The following MEF2C variants were observed in gnomAD, a reference collection of about 807,000 sequenced individuals.
MEF2C encodes myocyte-specific enhancer factor 2C.
A neutral mutation model predicts 50.5 loss-of-function variants in MEF2C; 6 were observed. The observed-to-expected ratio is 0.12, with a 90% CI of 0.07 to 0.23. The LOEUF (loss-of-function observed/expected upper bound fraction) is 0.23, where lower values mean the gene tolerates loss of function less well. Among genes scored for constraint, MEF2C ranks in the 10% least tolerant of loss-of-function variants. MEF2C has a pLI of 1.00. For synonymous variants in MEF2C, 183 were observed against 228.0 expected, an observed-to-expected ratio of 0.80 and a Z score of 1.78; for missense variants, 276 against 605.0, an observed-to-expected ratio of 0.46 and a Z score of 5.70.
intron 4 of MEF2C, among the ~76,000 whole-genome samples, chr5:88,755,183 G>T (rs1774731414): frequency 6.6e-6 from 1 of 152,106 alleles, no homozygotes; most frequent in Non-Finnish European, 1.5e-5. Context: ...TTTCTTCAAA[G>T]GAGAATTTTT....
At chr5:88,888,954 C>T (rs971730223) in intron 1 of MEF2C, 4 of 152,098 alleles carry the variant, frequency 2.6e-5, no homozygotes, top group Admixed American at 2.0e-4. Context: ...TCACAGAAAC[C>T]TTCAATTCAA....
At chr5:88,842,090 G>C (rs1475713942) in intron 1 of MEF2C, among the ~76,000 whole-genome samples, 2 of 152,052 alleles carry the variant, frequency 1.3e-5, no homozygotes, top group Non-Finnish European at 2.9e-5. Context: ...TTTAAGGCTT[G>C]TGATTTCTGA....
Position 88,751,840 on chromosome 5 carries a change from T to C in MEF2C, c.589+17A>G, listed in dbSNP as rs574993379. ...CTTCCAACTATTTGTTAGCATTACA[T>C]CCTTATGAGGACATACCTGTGTTAC... On this transcript the variant is annotated intron_variant, in intron 5 of 10. Transcript: ENST00000504921. 6.2e-7 allele frequency: 1 copy of C among 1,611,914 alleles called. No homozygotes were observed. Among genetic ancestry groups the C allele is most frequent in the East Asian group, 2.2e-5 (1 of 44,844 alleles).
At chr5:88,739,898 C>A in intron 6 of MEF2C, 1 of 985,202 alleles carries the variant, frequency 1.0e-6, no homozygotes, top group Non-Finnish European at 1.2e-6. Flanking sequence ...CTAAAGACTC[C>A]TAATTAGGGA....
At position 88,819,417 on chromosome 5, in the gene MEF2C, A is replaced by AG; in HGVS notation, c.54+4317_54+4318insC. ...GCTTTGCGATATCTGGGTCCTGTCT[A>AG]ACATCCAATCTTTTCTCTCATTTCT... On this transcript the variant is annotated intron_variant, in intron 2 of 10. Coordinates refer to ENST00000504921, the MANE Select transcript of MEF2C (RefSeq NM_002397.5). 4 of 980,870 alleles carry AG rather than the reference A, an allele frequency of 4.1e-6. No individual in the cohort carries two copies. In the South Asian group the frequency reaches 1.9e-4, roughly 46 times the overall value. 60.8% of individuals were successfully genotyped at this position (980,870 alleles called of 1,614,324 possible).
intron 1 of MEF2C, among the ~76,000 whole-genome samples, chr5:88,847,991 A>G (rs991973585): frequency 6.6e-6 from 1 of 152,204 alleles, no homozygotes; most frequent in Non-Finnish European, 1.5e-5. Context: ...TATAAAGTAC[A>G]TAACTAAAAA....
chr5:88,769,944 C>G (rs1194769211), intron 3 of MEF2C: 1 of 984,138 alleles, frequency 1.0e-6, no homozygotes, highest in Non-Finnish European at 1.2e-6. Context: ...CTGTGTCCAG[C>G]CTATCCTAAT....
intron 1 of MEF2C, among the ~76,000 whole-genome samples, chr5:88,849,846 T>G (rs1380149530): frequency 1.3e-5 from 2 of 152,188 alleles, no homozygotes; most frequent in East Asian, 3.8e-4. Context: ...TGTAGGATAA[T>G]GTAGGATTAT....
At chr5:88,747,359 T>TGG (rs1770341244) in intron 6 of MEF2C, among the ~76,000 whole-genome samples, 2 of 37,234 alleles carry the variant, frequency 5.4e-5, no homozygotes, top group Admixed American at 2.5e-4. Flanking sequence ...TTTTTTTTTT[T>TGG]TTTTTTTGAG....
chr5:88,730,170 C>A (rs926442699), intron 8 of MEF2C, 41 bp downstream of exon 8: 1 of 1,565,438 alleles, frequency 6.4e-7, no homozygotes, highest in Non-Finnish European at 8.7e-7. Flanking sequence ...CTAAAAGTAG[C>A]TTTGCACATG....
chr5:88,867,657 TAA>T (rs1222669363), intron 1 of MEF2C, among the ~76,000 whole-genome samples: 1 of 152,166 alleles, frequency 6.6e-6, no homozygotes, highest in African/African-American at 2.4e-5. Context: ...ACACATATCA[TAA>T]AAGTTATTAA....
At chr5:88,899,505 T>C (rs1223984806) in intron 1 of MEF2C, among the ~76,000 whole-genome samples, 1 of 152,200 alleles carries the variant, frequency 6.6e-6, no homozygotes, top group East Asian at 1.9e-4. Context: ...TTAAGTGACT[T>C]GTTTCCAGTC....
chr5:88,827,062 G>A (rs2153225929), intron 1 of MEF2C: 1 of 151,954 alleles, frequency 6.6e-6, no homozygotes, highest in Admixed American at 6.6e-5. Context: ...ATTATGGCAG[G>A]CTTCTGCTCA....
upstream of MEF2C, among the ~76,000 whole-genome samples, chr5:88,884,148 C>G (rs936283702): frequency 1.3e-5 from 2 of 152,370 alleles, no homozygotes; most frequent in South Asian, 4.1e-4. Flanking sequence ...CTGCGGCGCG[C>G]TCGCTTGCTC....
intron 1 of MEF2C, among the ~76,000 whole-genome samples, chr5:88,857,088 G>A (rs796282695): frequency 2.0e-5 from 3 of 152,194 alleles, no homozygotes; most frequent in South Asian, 2.1e-4. Flanking sequence ...AAAGCCACAG[G>A]GGCAGAGCTG....
chr5:88,798,875 A>G (rs565254889), intron 3 of MEF2C, among the ~76,000 whole-genome samples: 2 of 152,176 alleles, frequency 1.3e-5, no homozygotes, highest in East Asian at 3.9e-4. Flanking sequence ...TCTGTTTGTT[A>G]GTTTTCCTTT....
chr5:88,765,077 G>A (rs1408873470), intron 3 of MEF2C, among the ~76,000 whole-genome samples: 1 of 152,098 alleles, frequency 6.6e-6, no homozygotes, highest in Non-Finnish European at 1.5e-5. Flanking sequence ...TGGCAGTGAT[G>A]AGAAGGAAAA....
At chr5:88,765,790 T>C (rs1391971167) in intron 3 of MEF2C, among the ~76,000 whole-genome samples, 1 of 152,216 alleles carries the variant, frequency 6.6e-6, no homozygotes, top group Admixed American at 6.5e-5. Flanking sequence ...TATGTCAAGA[T>C]AAGGCAAGAG....
chr5:88,748,133 A>G, intron 6 of MEF2C: 1 of 982,090 alleles, frequency 1.0e-6, no homozygotes. Context: ...TCAAATAGAT[A>G]TATTTATAAA....
Sources: gnomAD v4.1 joint callset for allele counts (sites outside exome capture counted in the v4.1 genomes callset) on GRCh38, gnomAD v4.1.1 for gene constraint, MANE v1.5 for transcripts, NCBI Gene and HGNC (gene_info 2026-07-23, HGNC 2026-07-21) for gene names.